CFAP20DC: variants seen among roughly 807,000 people sequenced by gnomAD.
The protein encoded by CFAP20DC is protein CFAP20DC.
Under a neutral mutation model 101.7 loss-of-function variants are expected in CFAP20DC, and 84 were observed. The ratio of observed to expected loss-of-function variants is 0.83; its 90% CI spans 0.69 to 0.99. CFAP20DC has a LOEUF of 0.99. Ranked by LOEUF, CFAP20DC falls within the 50% of genes least tolerant of loss-of-function variation. The pLI is 0.00. For missense variants in CFAP20DC, 1,007 were observed against 970.3 expected (o/e 1.04, Z -0.50); for synonymous variants, 359 against 351.2 (o/e 1.02, Z -0.25).
intron 3 of CFAP20DC, among the ~76,000 whole-genome samples, chr3:58,735,008 C>A (rs1390197423): frequency 1.3e-5 from 2 of 152,156 alleles, no homozygotes; most frequent in Non-Finnish European, 2.9e-5. Flanking sequence ...AAAAAAGAGA[C>A]CTGACTCACC....
At chr3:58,982,149 C>T (rs2092575953) in intron 4 of CFAP20DC, among the ~76,000 whole-genome samples, 1 of 152,130 alleles carries the variant, frequency 6.6e-6, no homozygotes, top group Admixed American at 6.5e-5. Context: ...AAATCAAAAC[C>T]ACAATGAGAT....
Position 58,923,487 on chromosome 3 carries a change from G to A in CFAP20DC, c.394-9623C>T, listed in dbSNP as rs867877372. Among the ~76,000 whole-genome samples, 9 of 152,120 alleles carry A rather than the reference G, an allele frequency of 5.9e-5. No homozygotes were observed. In the South Asian group the frequency reaches 1.0e-3, roughly 18 times the overall value. Reference sequence around the variant, plus strand: ...CCAATTTTTGAAGAATGTCTTCACTGGCTAAAGAATTCTAGATTGACAAAT... The same window carrying A: ...CCAATTTTTGAAGAATGTCTTCACTAGCTAAAGAATTCTAGATTGACAAAT... On this transcript the variant is annotated intron_variant, in intron 5 of 16. Transcript: ENST00000482387.
At chr3:58,837,342 G>A (rs2076806144) in intron 13 of CFAP20DC, among the ~76,000 whole-genome samples, 1 of 152,182 alleles carries the variant, frequency 6.6e-6, no homozygotes, top group Admixed American at 6.5e-5. Context: ...ACACGACACA[G>A]CAGTGAAATG....
At chr3:58,811,036 T>C (rs1281959764) in intron 14 of CFAP20DC, among the ~76,000 whole-genome samples, 6 of 152,138 alleles carry the variant, frequency 3.9e-5, no homozygotes, top group Non-Finnish European at 8.8e-5. Context: ...TACAAATCAC[T>C]GCTCAGTGAA....
chr3:58,789,174 T>A (rs754214491), intron 15 of CFAP20DC, among the ~76,000 whole-genome samples: 17 of 152,322 alleles, frequency 1.1e-4, no homozygotes, highest in Admixed American at 6.5e-4. Context: ...CAACTGTAGG[T>A]TAAATGCTTT....
At chr3:58,886,997 AT>A (rs2081693854) in intron 6 of CFAP20DC, among the ~76,000 whole-genome samples, 1 of 152,230 alleles carries the variant, frequency 6.6e-6, no homozygotes, top group African/African-American at 2.4e-5. Flanking sequence ...ATAAAAGCAA[AT>A]AGAAGAGGTT....
chr3:59,034,713 C>T (rs1197883401), intron 4 of CFAP20DC, among the ~76,000 whole-genome samples: 3 of 152,078 alleles, frequency 2.0e-5, no homozygotes, highest in Admixed American at 2.0e-4. Flanking sequence ...TAGAGACCAA[C>T]AAAGAGACTT....
At chr3:58,951,872 C>T (rs566859591) in intron 4 of CFAP20DC, among the ~76,000 whole-genome samples, 2 of 152,090 alleles carry the variant, frequency 1.3e-5, no homozygotes, top group Admixed American at 6.5e-5. Flanking sequence ...CAAACCTGCA[C>T]GTTGTGCACA....
chr3:58,749,833 T>C (rs545693012), intron 16 of CFAP20DC, among the ~76,000 whole-genome samples: 2 of 152,304 alleles, frequency 1.3e-5, no homozygotes, highest in South Asian at 2.1e-4. Flanking sequence ...TTTCAAAAGG[T>C]CATTTTAGTA....
intron 13 of CFAP20DC, among the ~76,000 whole-genome samples, chr3:58,848,275 ACCAGGTAACAATTAAT>A (rs995352049): frequency 1.3e-5 from 2 of 152,164 alleles, no homozygotes; most frequent in African/African-American, 4.8e-5. Flanking sequence ...TACTACCTAC[ACCAGGTAACAATTAAT>A]CCACTCTAAC....
At chr3:58,826,747 T>C (rs2076066374) in intron 14 of CFAP20DC, among the ~76,000 whole-genome samples, 1 of 152,170 alleles carries the variant, frequency 6.6e-6, no homozygotes, top group Non-Finnish European at 1.5e-5. Context: ...ACAGAAGGTA[T>C]GAAAGAACAC....
chr3:58,820,914 CA>C (rs1402618548), intron 14 of CFAP20DC, among the ~76,000 whole-genome samples: 1 of 150,368 alleles, frequency 6.7e-6, no homozygotes, highest in East Asian at 2.0e-4. Context: ...CTACAGTAAC[CA>C]AAACAGCATG....
At chr3:58,819,485 A>T (rs1426219319) in intron 14 of CFAP20DC, among the ~76,000 whole-genome samples, 1 of 149,598 alleles carries the variant, frequency 6.7e-6, no homozygotes, top group Non-Finnish European at 1.5e-5. Context: ...ACAGAAATAC[A>T]AACTACCATC....
At chr3:58,777,872 T>G (rs2107545796) in intron 15 of CFAP20DC, among the ~76,000 whole-genome samples, 1 of 152,292 alleles carries the variant, frequency 6.6e-6, no homozygotes, top group African/African-American at 2.4e-5. Context: ...AGACAGTTCA[T>G]GCTCAATCCT....
At chr3:59,029,920 G>A (rs907687966) in intron 4 of CFAP20DC, among the ~76,000 whole-genome samples, 1 of 152,154 alleles carries the variant, frequency 6.6e-6, no homozygotes, top group South Asian at 2.1e-4. Flanking sequence ...TCGACTGAAT[G>A]AACGAGTAAT....
rs910560296 is a variant in CFAP20DC, at chr3:58,776,699, T to C, written c.2238-22836A>G. On this transcript the variant is annotated intron_variant, in intron 15 of 16. Transcript: ENST00000482387. The stretch of plus-strand genomic sequence containing the variant: ...AAATATACATGTTAATTAACTGTTT[T>C]TCTCTTGCTAATCTGTTTTATGTTA... Among the ~76,000 whole-genome samples the C allele has an allele frequency of 4.7e-4, 71 of 151,288 alleles. No individual in the cohort carries two copies. The Middle Eastern group carries it at 0.01, about 22-fold the overall frequency.
chr3:59,012,712 A>G (rs1423066549), intron 4 of CFAP20DC, among the ~76,000 whole-genome samples: 1 of 152,222 alleles, frequency 6.6e-6, no homozygotes, highest in Non-Finnish European at 1.5e-5. Flanking sequence ...CCACCAGACT[A>G]CAGGCACTTG....
intron 5 of CFAP20DC, among the ~76,000 whole-genome samples, chr3:58,930,943 T>C (rs892051596): frequency 5.3e-5 from 8 of 152,104 alleles, no homozygotes; most frequent in Non-Finnish European, 7.4e-5. Context: ...CAGCGCACTG[T>C]GAGCGAGCCG....
downstream of CFAP20DC, among the ~76,000 whole-genome samples, chr3:58,738,603 G>T (rs1168143769): frequency 1.3e-5 from 2 of 152,144 alleles, no homozygotes; most frequent in Non-Finnish European, 2.9e-5. The surrounding 1 kb of genome is among the most constrained non-coding windows in gnomAD (Gnocchi z 4.4). Flanking sequence ...TGGGCATTTG[G>T]GTTGATTCCA....
Sources: allele counts gnomAD v4.1 joint callset (sites outside exome capture counted in the v4.1 genomes callset), GRCh38; gene constraint gnomAD v4.1.1; non-coding constraint Gnocchi (gnomAD v3.1); transcripts MANE v1.5; gene names NCBI Gene and HGNC (gene_info 2026-07-23, HGNC 2026-07-21).